CDH12: variants seen among roughly 807,000 people sequenced by gnomAD.
CDH12 encodes cadherin 12, also known as cadherin-12.
A neutral mutation model predicts 74.1 loss-of-function variants in CDH12; 41 were observed. The ratio of observed to expected loss-of-function variants is 0.55; its 90% CI spans 0.43 to 0.72. The LOEUF is 0.72. Ranked by LOEUF, CDH12 falls within the 30% of genes least tolerant of loss-of-function variation. The pLI, the probability that CDH12 is intolerant of heterozygous loss-of-function variation, is 0.00. For synonymous variants in CDH12, 399 were observed against 355.0 expected, an observed-to-expected ratio of 1.12 and a Z score of -1.39; for missense variants, 945 against 977.2, an observed-to-expected ratio of 0.97 and a Z score of 0.44.
chr5:22,230,462 G>C (rs1580427975), intron 3 of CDH12, among the ~76,000 whole-genome samples: 1 of 140,370 alleles, frequency 7.1e-6, no homozygotes, highest in South Asian at 2.4e-4. Flanking sequence ...GTCAAAAAAA[G>C]AGATGTCATA....
At chr5:22,342,433 C>T (rs1048616845) in intron 3 of CDH12, among the ~76,000 whole-genome samples, 3 of 152,024 alleles carry the variant, frequency 2.0e-5, no homozygotes, top group South Asian at 2.1e-4. Context: ...GAACAAGCCC[C>T]GCAGTATTCA....
chr5:22,826,130 G>A (rs898263089), intron 1 of CDH12, among the ~76,000 whole-genome samples: 7 of 152,060 alleles, frequency 4.6e-5, no homozygotes, highest in Non-Finnish European at 1.0e-4. Flanking sequence ...ATGTATTGTG[G>A]GACAGACATG....
intron 6 of CDH12, among the ~76,000 whole-genome samples, chr5:21,915,639 C>T (rs957472089): frequency 6.6e-6 from 1 of 152,148 alleles, no homozygotes; most frequent in Admixed American, 6.6e-5. Context: ...GCTGTTATTT[C>T]TCCTCCCCAG....
At chr5:22,755,196 T>C (rs1305279971) in intron 1 of CDH12, among the ~76,000 whole-genome samples, 1 of 152,220 alleles carries the variant, frequency 6.6e-6, no homozygotes, top group Non-Finnish European at 1.5e-5. Flanking sequence ...GTGTGACAAA[T>C]CTGAAATCAA....
At chr5:22,001,699 C>T (rs1274989919) in intron 5 of CDH12, among the ~76,000 whole-genome samples, 1 of 151,962 alleles carries the variant, frequency 6.6e-6, no homozygotes, top group Non-Finnish European at 1.5e-5. Context: ...CACCTGTACT[C>T]ATACTGCATA....
intron 2 of CDH12, among the ~76,000 whole-genome samples, chr5:22,467,764 A>C (rs900440281): frequency 6.6e-6 from 1 of 152,324 alleles, no homozygotes; most frequent in African/African-American, 2.4e-5. Flanking sequence ...CTGTGTAACC[A>C]GTTTCACCCA....
intron 3 of CDH12, among the ~76,000 whole-genome samples, chr5:22,268,939 T>C (rs759698420): frequency 3.9e-5 from 6 of 152,058 alleles, no homozygotes; most frequent in Admixed American, 1.3e-4. Context: ...ATTAGAAAGA[T>C]TGGTTAATAT....
At chr5:22,454,350 C>T (rs1204580614) in intron 2 of CDH12, among the ~76,000 whole-genome samples, 2 of 152,252 alleles carry the variant, frequency 1.3e-5, no homozygotes, top group Middle Eastern at 3.4e-3. Flanking sequence ...CACTTAAAAT[C>T]TTGCAATACT....
At chr5:21,832,114 C>T (rs1313311686) in intron 8 of CDH12, among the ~76,000 whole-genome samples, 1 of 151,920 alleles carries the variant, frequency 6.6e-6, no homozygotes, top group Non-Finnish European at 1.5e-5. Context: ...TAATTTAAAA[C>T]TAAAGGTCAG....
At chr5:22,467,844 T>G (rs1432080158) in intron 2 of CDH12, among the ~76,000 whole-genome samples, 2 of 152,208 alleles carry the variant, frequency 1.3e-5, no homozygotes, top group Non-Finnish European at 2.9e-5. Flanking sequence ...CATGACTCTT[T>G]TTCCTCTGAA....
intron 6 of CDH12, among the ~76,000 whole-genome samples, chr5:21,951,446 C>T (rs1477117996): frequency 1.3e-5 from 2 of 152,064 alleles, no homozygotes; most frequent in Non-Finnish European, 2.9e-5. Context: ...CAGGGTTTCA[C>T]CATATTGGCC....
chr5:22,080,057 T>G (rs1330100155), intron 4 of CDH12, among the ~76,000 whole-genome samples: 1 of 152,196 alleles, frequency 6.6e-6, no homozygotes, highest in Non-Finnish European at 1.5e-5. Flanking sequence ...GGTGATTTTA[T>G]GCATTTGGCA....
At chr5:21,801,663 C>T (rs1342562099) in intron 10 of CDH12, among the ~76,000 whole-genome samples, 1 of 152,140 alleles carries the variant, frequency 6.6e-6, no homozygotes, top group African/African-American at 2.4e-5. Context: ...TGTGTCTCTA[C>T]TCATTTCACC....
chr5:22,478,114 A>C (rs373040836), intron 2 of CDH12, among the ~76,000 whole-genome samples: 74 of 152,188 alleles, frequency 4.9e-4, no homozygotes, highest in African/African-American at 1.6e-3. Context: ...TTTATTGTTA[A>C]TTTTTTTGAA....
rs995908199 is a variant in CDH12, at chr5:21,950,090, C to CT, written c.526+25000dup. The stretch of plus-strand genomic sequence containing the variant: ...TTTTTGACTGGATTTTTTACTGTAC[C>CT]TTTTTTTTATGTTTAGATACACAAA... On this transcript the variant is annotated intron_variant, in intron 6 of 14. Coordinates refer to ENST00000382254, the MANE Select transcript of CDH12 (RefSeq NM_004061.5). Among the ~76,000 whole-genome samples the CT allele has an allele frequency of 4.6e-5, 7 of 151,910 alleles. No individual in the cohort carries two copies. In the South Asian group the frequency reaches 6.2e-4, roughly 14 times the overall value.
At chr5:22,129,723 A>G (rs1746081219) in intron 4 of CDH12, among the ~76,000 whole-genome samples, 1 of 152,088 alleles carries the variant, frequency 6.6e-6, no homozygotes, top group Non-Finnish European at 1.5e-5. Context: ...TCTCATAGAT[A>G]TAGAAAACCA....
chr5:22,379,417 G>C (rs1049008509), intron 3 of CDH12, among the ~76,000 whole-genome samples: 1 of 152,062 alleles, frequency 6.6e-6, no homozygotes, highest in Non-Finnish European at 1.5e-5. Context: ...AGTTCCTCTG[G>C]ATCACCCAAG....
intron 1 of CDH12, among the ~76,000 whole-genome samples, chr5:22,666,054 C>T (rs1313732297): frequency 1.3e-5 from 2 of 152,078 alleles, no homozygotes; most frequent in Non-Finnish European, 2.9e-5. Context: ...TTAAAGATAC[C>T]TCAAGGGCAA....
At chr5:21,980,045 G>A (rs893715916) in intron 5 of CDH12, among the ~76,000 whole-genome samples, 30 of 151,630 alleles carry the variant, frequency 2.0e-4, no homozygotes, top group African/African-American at 7.0e-4. Flanking sequence ...CAGTGATGAT[G>A]AGCATTTTTT....
Sources: gnomAD v4.1 joint callset for allele counts (sites outside exome capture counted in the v4.1 genomes callset) on GRCh38, gnomAD v4.1.1 for gene constraint, MANE v1.5 for transcripts, NCBI Gene and HGNC (gene_info 2026-07-23, HGNC 2026-07-21) for gene names.